Variants in VDAC1 observed in about 807,000 individuals in gnomAD.
The protein encoded by VDAC1 is voltage dependent anion channel 1, also known as non-selective voltage-gated ion channel VDAC1.
VDAC1 carries 10 observed loss-of-function variants against 34.7 expected under a neutral mutation model. The ratio of observed to expected loss-of-function variants is 0.29; its 90% CI spans 0.18 to 0.49. The LOEUF (loss-of-function observed/expected upper bound fraction) is 0.49. VDAC1 is among the 20% of genes least tolerant of loss of function. The pLI is 0.99. For synonymous variants in VDAC1, 130 were observed against 136.0 expected (o/e 0.96, Z 0.30); for missense variants, 230 against 347.9 (o/e 0.66, Z 2.69).
chr5:134,060,880 CTTT>C, the VDAC1 span, among the ~76,000 whole-genome samples: 4 of 98,680 alleles, frequency 4.1e-5, no homozygotes, highest in Admixed American at 1.3e-4. Flanking sequence ...TCTTCTTCTT[CTTT>C]TTTTTTTTTT....
the VDAC1 span, among the ~76,000 whole-genome samples, chr5:134,066,470 A>G: frequency 2.0e-5 from 3 of 152,050 alleles, no homozygotes; most frequent in Non-Finnish European, 2.9e-5. Flanking sequence ...TAAATAGTCT[A>G]CTCCATTTAC....
chr5:134,089,945 T>C, the VDAC1 span, among the ~76,000 whole-genome samples: 4 of 152,074 alleles, frequency 2.6e-5, no homozygotes, highest in African/African-American at 9.6e-5. Context: ...TGAGCTGAGA[T>C]CATGCCATTG....
the VDAC1 span, among the ~76,000 whole-genome samples, chr5:134,105,447 G>A: frequency 6.6e-5 from 10 of 152,206 alleles, no homozygotes; most frequent in Non-Finnish European, 1.2e-4. Flanking sequence ...CTGTAAAATG[G>A]GGTTAAAAGA....
chr5:134,053,452 G>A, the VDAC1 span, among the ~76,000 whole-genome samples: 1 of 152,210 alleles, frequency 6.6e-6, no homozygotes, highest in African/African-American at 2.4e-5. Context: ...TCATTGTCTA[G>A]GGCTCCTGTG....
At chr5:134,086,895 T>C in the VDAC1 span, among the ~76,000 whole-genome samples, 1 of 152,192 alleles carries the variant, frequency 6.6e-6, no homozygotes, top group Non-Finnish European at 1.5e-5. Context: ...GGCAGATTCC[T>C]TATCATGGAG....
chr5:133,987,638 A>G (rs1347670479), intron 5 of VDAC1, among the ~76,000 whole-genome samples: 1 of 152,184 alleles, frequency 6.6e-6, no homozygotes, highest in African/African-American at 2.4e-5. Context: ...GGATCACACC[A>G]CTGCACTCCA....
At chr5:133,997,980 T>C (rs1363392581) in intron 1 of VDAC1, among the ~76,000 whole-genome samples, 1 of 151,452 alleles carries the variant, frequency 6.6e-6, no homozygotes, top group Non-Finnish European at 1.5e-5. Context: ...GGCAGAAGAA[T>C]TGCCTCAACC....
chr5:134,089,212 T>C, the VDAC1 span, among the ~76,000 whole-genome samples: 3 of 152,184 alleles, frequency 2.0e-5, no homozygotes, highest in Non-Finnish European at 4.4e-5. Flanking sequence ...AAGCTTTGCA[T>C]AGGGGCACAC....
chr5:134,008,228 C>A (rs1353390082), upstream of VDAC1, among the ~76,000 whole-genome samples: 2 of 151,674 alleles, frequency 1.3e-5, no homozygotes, highest in Non-Finnish European at 2.9e-5. Flanking sequence ...AATAAAGACT[C>A]CCTGAAAATG....
chr5:134,038,534 C>G, the VDAC1 span, among the ~76,000 whole-genome samples: 5 of 152,162 alleles, frequency 3.3e-5, no homozygotes, highest in African/African-American at 2.4e-5. Flanking sequence ...TCCCACCCCC[C>G]ACAAATATCA....
At chr5:134,084,439 G>C in the VDAC1 span, among the ~76,000 whole-genome samples, 1 of 152,220 alleles carries the variant, frequency 6.6e-6, no homozygotes, top group Non-Finnish European at 1.5e-5. Context: ...CCAGACCCTG[G>C]AACTGGCCCG....
At chr5:134,053,352 C>G in the VDAC1 span, among the ~76,000 whole-genome samples, 1 of 152,198 alleles carries the variant, frequency 6.6e-6, no homozygotes, top group African/African-American at 2.4e-5. Flanking sequence ...CTACAAACAA[C>G]CCCCTTCCAA....
upstream of VDAC1, chr5:134,005,463 A>G (rs1388575780): frequency 1.3e-5 from 2 of 152,264 alleles, no homozygotes; most frequent in East Asian, 3.8e-4. Context: ...CCGATTTTGC[A>G]CTACAGATTA....
chr5:134,094,695 CAAAAAAAAAAAAA>C, the VDAC1 span, among the ~76,000 whole-genome samples: 12 of 68,486 alleles, frequency 1.8e-4, no homozygotes, highest in South Asian at 5.2e-3. Flanking sequence ...GACTCCGTCT[CAAAAAAAAAAAAA>C]AAAAAAAAAA....
rs1453029767 is a variant in VDAC1 at position 133,976,038 on chromosome 5, G to A, written c.552-17C>T. 2.0e-5 allele frequency: 33 copies of A among 1,613,884 alleles called. No individual in the cohort carries two copies. Among genetic ancestry groups the A allele is most frequent in the Non-Finnish European group, 2.7e-5 (32 of 1,179,902 alleles). On this transcript the variant is annotated splice_polypyrimidine_tract_variant and intron_variant, in intron 6 of 8. Coordinates refer to ENST00000265333, the MANE Select transcript of VDAC1 (RefSeq NM_003374.3). ...CCGTCATTCCTGCAAACAAGCACAG[G>A]ACAGATGCTGAGCTTCCCAGGGAGG...
the VDAC1 span, among the ~76,000 whole-genome samples, chr5:134,064,367 G>A: frequency 1.3e-5 from 2 of 151,910 alleles, no homozygotes; most frequent in African/African-American, 4.8e-5. Context: ...GTGCAGTAGT[G>A]CAATCTTGGC....
At chr5:133,998,629 G>A (rs1409792865) in intron 1 of VDAC1, among the ~76,000 whole-genome samples, 1 of 152,242 alleles carries the variant, frequency 6.6e-6, no homozygotes, top group African/African-American at 2.4e-5. Context: ...CAGTAGCAAT[G>A]CCAGAAGGCT....
At chr5:134,005,975 G>T (rs1753740096), upstream of VDAC1, among the ~76,000 whole-genome samples, 1 of 152,166 alleles carries the variant, frequency 6.6e-6, no homozygotes, top group East Asian at 1.9e-4. Flanking sequence ...GGCTACGGAG[G>T]AGGCAATCAG....
the VDAC1 span, among the ~76,000 whole-genome samples, chr5:134,102,582 C>T: frequency 2.6e-5 from 4 of 152,008 alleles, no homozygotes; most frequent in Non-Finnish European, 4.4e-5. Context: ...GCAGGAGAAT[C>T]GCTTGAACCC....
Sources: gnomAD v4.1 joint callset for allele counts (sites outside exome capture counted in the v4.1 genomes callset) on GRCh38, gnomAD v4.1.1 for gene constraint, MANE v1.5 for transcripts, NCBI Gene and HGNC (gene_info 2026-07-23, HGNC 2026-07-21) for gene names.